Variants in ARHGEF9 observed in about 807,000 individuals in gnomAD.
ARHGEF9 encodes rho guanine nucleotide exchange factor 9.
In ARHGEF9, 2 loss-of-function variants were observed where a neutral mutation model predicts 41.3. The ratio of observed to expected loss-of-function variants is 0.05; its 90% confidence interval spans 0.02 to 0.15. ARHGEF9 has a LOEUF of 0.15. Ranked by LOEUF, ARHGEF9 falls within the 10% of genes least tolerant of loss-of-function variation. The probability of loss-of-function intolerance (pLI) is 1.00; values close to 1 mark genes in which losing one functional copy is unlikely to be tolerated. For synonymous variants in ARHGEF9, 160 were observed against 154.4 expected, an observed-to-expected ratio of 1.04 and a Z score of -0.27; for missense variants, 225 against 424.7, an observed-to-expected ratio of 0.53 and a Z score of 4.13.
At chrX:63,691,793 T>C (rs2051365863) in intron 4 of ARHGEF9, among the ~76,000 whole-genome samples, 1 of 111,162 alleles carries the variant, frequency 9.0e-6, no homozygotes, top group Admixed American at 9.6e-5. Context: ...TCACACTACC[T>C]AACTTCAAAA....
chrX:63,639,184 C>T (rs782312837), intron 9 of ARHGEF9, among the ~76,000 whole-genome samples: 1 of 111,814 alleles, frequency 8.9e-6, no homozygotes, highest in Non-Finnish European at 1.9e-5. Context: ...TGCTTGATGA[C>T]TAAGTCCCTT....
At chrX:63,752,415 T>C (rs1389375564) in intron 1 of ARHGEF9, among the ~76,000 whole-genome samples, 2 of 111,294 alleles carry the variant, frequency 1.8e-5, no homozygotes, top group Non-Finnish European at 3.8e-5. Context: ...CTGCCCAGCA[T>C]AGAGCCATTC....
chrX:63,759,733 C>A (rs1217293396), intron 1 of ARHGEF9, among the ~76,000 whole-genome samples: 1 of 112,175 alleles, frequency 8.9e-6, no homozygotes, highest in Non-Finnish European at 1.9e-5. Flanking sequence ...CCTGTACATA[C>A]ATAAACTCTT....
chrX:63,663,747 T>C (rs1285771708), intron 7 of ARHGEF9, among the ~76,000 whole-genome samples: 1 of 112,265 alleles, frequency 8.9e-6, no homozygotes, highest in Non-Finnish European at 1.9e-5. Flanking sequence ...AAATACCTTG[T>C]CTCTCTGCAT....
intron 3 of ARHGEF9, among the ~76,000 whole-genome samples, chrX:63,700,889 G>C (rs1272319442): frequency 9.0e-6 from 1 of 111,363 alleles, no homozygotes; most frequent in African/African-American, 3.3e-5. Flanking sequence ...CTCAAGGGAG[G>C]CAGTTTCCTA....
chrX:63,716,687 CAAT>C (rs1556410408), intron 2 of ARHGEF9, among the ~76,000 whole-genome samples: 1 of 111,875 alleles, frequency 8.9e-6, no homozygotes, highest in Non-Finnish European at 1.9e-5. Context: ...GACGTTGGAC[CAAT>C]AATACCAGTC....
intron 7 of ARHGEF9, chrX:63,656,671 A>G (rs1432981042): frequency 9.0e-6 from 1 of 111,315 alleles, no homozygotes; most frequent in African/African-American, 3.3e-5. Context: ...ATACAAAAAA[A>G]TGCCACATAA....
intron 7 of ARHGEF9, among the ~76,000 whole-genome samples, chrX:63,664,475 G>A (rs2049398275): frequency 8.9e-6 from 1 of 112,398 alleles, no homozygotes; most frequent in Non-Finnish European, 1.9e-5. Flanking sequence ...TACTTGTTCT[G>A]AGTGTAAACA....
Position 63,773,207 on chromosome X carries a change from C to T in ARHGEF9, c.30+11909G>A, listed in dbSNP as rs2056233110. On this transcript the variant is annotated intron_variant, in intron 1 of 9. Coordinates refer to ENST00000671741, the MANE Select transcript of ARHGEF9 (RefSeq NM_001353921.2). ...CAGCATCATATGAAAACTTTAAAAG[C>T]AATGATATCTTAAGAAGAAGCTCCT... Among the ~76,000 whole-genome samples, 3 of 112,035 alleles carry T rather than the reference C, an allele frequency of 2.7e-5. No individual in the cohort carries two copies. The South Asian group carries it at 1.1e-3, about 41-fold the overall frequency.
At chrX:63,737,107 A>T (rs1285095333) in intron 1 of ARHGEF9, 3 of 111,686 alleles carry the variant, frequency 2.7e-5, no homozygotes, top group Non-Finnish European at 5.6e-5. Context: ...AGGGTCCCAA[A>T]CAGGTCTGAC....
intron 2 of ARHGEF9, among the ~76,000 whole-genome samples, chrX:63,724,086 G>A (rs1206046189): frequency 8.9e-6 from 1 of 112,292 alleles, no homozygotes; most frequent in African/African-American, 3.2e-5. Context: ...ACAGGAAGGA[G>A]AGAAGAGCAG....
chrX:63,690,785 G>A (rs1307943905), intron 4 of ARHGEF9, among the ~76,000 whole-genome samples: 32 of 111,565 alleles, frequency 2.9e-4, no homozygotes, highest in Admixed American at 5.7e-4. Flanking sequence ...GATCACTCAC[G>A]ATGATCAAGT....
In ARHGEF9 at chrX:63,638,110, T is replaced by C. The variant is rs371200226; in HGVS notation, c.1490A>G (p.Gln497Arg). Residue 497 changes from glutamine (Q) to arginine (R), a missense_variant, in exon 10 of 10, where the codon CAG becomes CGG. Physicochemically the swap from Gln to Arg is conservative, Grantham distance 43. Transcript: ENST00000671741. ...CTTGGGTTCGGTGAACTCAAAGACC[T>C]GCGACTGAGCGATGCCGTCGGGGAC... ...YLVPDGIAQS[Q>R]VFEFTEPKRS... 2.8e-5 allele frequency: 34 copies of C among 1,207,291 alleles called. No homozygotes were observed. Among genetic ancestry groups the C allele is most frequent in the Non-Finnish European group, 3.8e-5 (34 of 894,181 alleles).
chrX:63,723,088 A>G (rs1387214276), intron 2 of ARHGEF9, among the ~76,000 whole-genome samples: 4 of 111,531 alleles, frequency 3.6e-5, no homozygotes, highest in African/African-American at 1.3e-4. Flanking sequence ...AAGCCTTGAT[A>G]CATGGACCTT....
At chrX:63,665,234 G>A (rs1449421654) in intron 7 of ARHGEF9, among the ~76,000 whole-genome samples, 1 of 112,173 alleles carries the variant, frequency 8.9e-6, no homozygotes, top group Non-Finnish European at 1.9e-5. Flanking sequence ...GCCTCACAAA[G>A]GAGAAGAGTC....
chrX:63,730,700 G>C (rs1448273961), intron 1 of ARHGEF9, among the ~76,000 whole-genome samples: 3 of 111,759 alleles, frequency 2.7e-5, no homozygotes, highest in Non-Finnish European at 5.6e-5. Context: ...CCCTACCCTT[G>C]CCTCTTCTGA....
At chrX:63,686,498 G>A (rs1475925154) in intron 4 of ARHGEF9, among the ~76,000 whole-genome samples, 1 of 111,156 alleles carries the variant, frequency 9.0e-6, no homozygotes, top group Non-Finnish European at 1.9e-5. Flanking sequence ...CCTAAAACCC[G>A]ACTTGATCAC....
At chrX:63,727,682 C>A (rs2054053756) in intron 1 of ARHGEF9, 1 of 111,444 alleles carries the variant, frequency 9.0e-6, no homozygotes, top group Non-Finnish European at 1.9e-5. Context: ...ATACTACTAG[C>A]TAAAGGTGTA....
At chrX:63,731,433 C>T (rs144463470) in intron 1 of ARHGEF9, among the ~76,000 whole-genome samples, 91 of 110,467 alleles carry the variant, frequency 8.2e-4, no homozygotes, top group African/African-American at 3.0e-3. Flanking sequence ...GTGAACCAGG[C>T]TGCCCCAACA....
Sources: allele counts gnomAD v4.1 joint callset (sites outside exome capture counted in the v4.1 genomes callset), GRCh38; gene constraint gnomAD v4.1.1; transcripts MANE v1.5; gene names NCBI Gene and HGNC (gene_info 2026-07-23, HGNC 2026-07-21).